The following BBX variants were observed in gnomAD, a reference collection of about 807,000 sequenced individuals.
The protein encoded by BBX is HMG box transcription factor BBX.
In BBX, 30 loss-of-function variants were observed where a neutral mutation model predicts 100.2. The ratio of observed to expected loss-of-function variants is 0.30; its 90% CI spans 0.22 to 0.41. The LOEUF (loss-of-function observed/expected upper bound fraction) is 0.41, where lower values mean the gene tolerates loss of function less well. Ranked by LOEUF, BBX falls within the 10% of genes least tolerant of loss-of-function variation. The pLI, the probability that BBX is intolerant of heterozygous loss-of-function variation, is 1.00. For synonymous variants in BBX, 376 were observed against 388.1 expected, an observed-to-expected ratio of 0.97 and a Z score of 0.37; for missense variants, 1,023 against 1,129.8, an observed-to-expected ratio of 0.91 and a Z score of 1.35.
At chr3:107,766,336 T>C (rs2066391829) in intron 10 of BBX, among the ~76,000 whole-genome samples, 1 of 152,166 alleles carries the variant, frequency 6.6e-6, no homozygotes, top group Non-Finnish European at 1.5e-5. Flanking sequence ...AATACAAAAG[T>C]ATGGTATCGA....
chr3:107,567,806 C>A (rs1471727336), intron 2 of BBX, among the ~76,000 whole-genome samples: 1 of 151,968 alleles, frequency 6.6e-6, no homozygotes, highest in Non-Finnish European at 1.5e-5. Flanking sequence ...ATTAAGTTGT[C>A]TTTGTTTTAC....
intron 13 of BBX, among the ~76,000 whole-genome samples, chr3:107,789,146 A>T (rs1353772090): frequency 2.6e-5 from 4 of 152,120 alleles, no homozygotes; most frequent in Non-Finnish European, 4.4e-5. Context: ...TGGGGAGGTC[A>T]GTGCTGTTGC....
chr3:107,609,708 C>G (rs2054701000), intron 2 of BBX, among the ~76,000 whole-genome samples: 1 of 151,904 alleles, frequency 6.6e-6, no homozygotes, highest in African/African-American at 2.4e-5. Flanking sequence ...CTTTGAATTT[C>G]TGCGGTGTTG....
chr3:107,622,235 C>T (rs1482115278), intron 2 of BBX, among the ~76,000 whole-genome samples: 1 of 152,164 alleles, frequency 6.6e-6, no homozygotes, highest in Non-Finnish European at 1.5e-5. Flanking sequence ...CAACATAATG[C>T]TTGAGGTTCA....
chr3:107,669,789 A>G (rs1185671397), intron 3 of BBX, among the ~76,000 whole-genome samples: 1 of 152,190 alleles, frequency 6.6e-6, no homozygotes, highest in East Asian at 1.9e-4. Context: ...CATTGTCACC[A>G]TCCTGTGAAG....
intron 17 of BBX, among the ~76,000 whole-genome samples, chr3:107,804,594 A>T (rs746261818): frequency 1.3e-5 from 2 of 152,214 alleles, no homozygotes; most frequent in Non-Finnish European, 2.9e-5. Flanking sequence ...GCTGAATGAA[A>T]AATCAGCTAT....
chr3:107,803,039 A>G (rs1412750049), intron 17 of BBX, among the ~76,000 whole-genome samples: 1 of 152,240 alleles, frequency 6.6e-6, no homozygotes, highest in Non-Finnish European at 1.5e-5. Context: ...TTTTGAAAGC[A>G]AAACAGTGGT....
At chr3:107,574,447 G>A (rs2051619802) in intron 2 of BBX, among the ~76,000 whole-genome samples, 1 of 152,156 alleles carries the variant, frequency 6.6e-6, no homozygotes. Flanking sequence ...TCTTAGATAA[G>A]TATCTATTAA....
At chr3:107,789,682 T>G in intron 13 of BBX, 105 bp from the exon 14 acceptor site, 1 of 758,762 alleles carries the variant, frequency 1.3e-6, no homozygotes, top group Non-Finnish European at 2.0e-6. Context: ...AGATTCAATT[T>G]GCTTATTCCA....
intron 2 of BBX, among the ~76,000 whole-genome samples, chr3:107,592,630 A>G (rs562761925): frequency 6.6e-6 from 1 of 152,194 alleles, no homozygotes; most frequent in Non-Finnish European, 1.5e-5. Context: ...GTTTACCAGT[A>G]TGTATGAGCT....
intron 3 of BBX, among the ~76,000 whole-genome samples, chr3:107,675,337 C>T (rs114314374): frequency 1.6e-3 from 241 of 152,222 alleles, no homozygotes; most frequent in African/African-American, 5.6e-3. Context: ...TGAGCACCTG[C>T]GGAGGAAATC....
chr3:107,663,575 A>AC (rs781223251), intron 3 of BBX, among the ~76,000 whole-genome samples: 1 of 151,846 alleles, frequency 6.6e-6, no homozygotes, highest in Non-Finnish European at 1.5e-5. Flanking sequence ...ATACTTATGT[A>AC]CCCCCTACAT....
At chr3:107,687,401 A>C (rs1185131163) in intron 3 of BBX, among the ~76,000 whole-genome samples, 4 of 149,266 alleles carry the variant, frequency 2.7e-5, no homozygotes, top group African/African-American at 9.9e-5. Flanking sequence ...TTGTGTCTTT[A>C]TTTTTCTTGT....
At chr3:107,624,058 A>C (rs2055981385) in intron 2 of BBX, among the ~76,000 whole-genome samples, 1 of 152,214 alleles carries the variant, frequency 6.6e-6, no homozygotes, top group Non-Finnish European at 1.5e-5. Context: ...ATCTAGGCTC[A>C]TGGTTGAGTC....
intron 2 of BBX, among the ~76,000 whole-genome samples, chr3:107,571,411 C>T (rs867413432): frequency 5.9e-5 from 9 of 152,172 alleles, no homozygotes; most frequent in African/African-American, 2.2e-4. Flanking sequence ...CCGTGACTGG[C>T]GCCGGAGTTT....
chr3:107,590,564 A>G (rs908709855), intron 2 of BBX, among the ~76,000 whole-genome samples: 2 of 152,164 alleles, frequency 1.3e-5, no homozygotes, highest in Non-Finnish European at 2.9e-5. Flanking sequence ...CTCTACCTCC[A>G]TAAGATCCTT....
intron 2 of BBX, among the ~76,000 whole-genome samples, chr3:107,636,708 T>C (rs987733500): frequency 6.6e-6 from 1 of 152,234 alleles, no homozygotes; most frequent in Non-Finnish European, 1.5e-5. Flanking sequence ...TGTCTACCAA[T>C]GGAAATAGTT....
chr3:107,729,343 T>G (rs1424930167), intron 6 of BBX, among the ~76,000 whole-genome samples: 2 of 152,114 alleles, frequency 1.3e-5, no homozygotes, highest in Non-Finnish European at 2.9e-5. Flanking sequence ...ACAGCTACAG[T>G]CATGTAGATC....
At chr3:107,753,733 A>C (rs1427207005) in intron 9 of BBX, among the ~76,000 whole-genome samples, 2 of 152,232 alleles carry the variant, frequency 1.3e-5, no homozygotes, top group Non-Finnish European at 2.9e-5. Flanking sequence ...ACAGAAAAAC[A>C]GCATGGGTGT....
Sources: allele counts gnomAD v4.1 joint callset (sites outside exome capture counted in the v4.1 genomes callset), GRCh38; gene constraint gnomAD v4.1.1; transcripts MANE v1.5; gene names NCBI Gene and HGNC (gene_info 2026-07-23, HGNC 2026-07-21).